Variants in HBP1 observed in about 807,000 individuals in gnomAD.
HBP1 encodes the protein HMG box-containing protein 1.
In HBP1, 20 loss-of-function variants were observed where a neutral mutation model predicts 62.6. The ratio of observed to expected loss-of-function variants is 0.32; its 90% CI spans 0.22 to 0.46. The LOEUF (loss-of-function observed/expected upper bound fraction) is 0.46, where lower values mean the gene tolerates loss of function less well. HBP1 is among the 20% of genes least tolerant of loss of function. The pLI, the probability that HBP1 is intolerant of heterozygous loss-of-function variation, is 1.00. For missense variants in HBP1, 480 were observed against 611.8 expected (o/e 0.78, Z 2.27); for synonymous variants, 232 against 206.2 (o/e 1.12, Z -1.07).
At chr7:107,176,093 T>A (rs1044309158) in intron 1 of HBP1, among the ~76,000 whole-genome samples, 1 of 148,900 alleles carries the variant, frequency 6.7e-6, no homozygotes, top group African/African-American at 2.5e-5. Flanking sequence ...TGGTGCGATC[T>A]CGGCTCACTG....
intron 9 of HBP1, among the ~76,000 whole-genome samples, chr7:107,198,912 A>C (rs1212575520): frequency 4.6e-5 from 7 of 152,200 alleles, no homozygotes; most frequent in Non-Finnish European, 8.8e-5. Flanking sequence ...AATGTTTCGC[A>C]AGTGCCACCC....
intron 1 of HBP1, among the ~76,000 whole-genome samples, chr7:107,177,478 T>C (rs572539559): frequency 4.3e-4 from 65 of 152,362 alleles, no homozygotes; most frequent in East Asian, 1.5e-3. Flanking sequence ...TTGGGCTATG[T>C]GTCAAGAACG....
Position 107,192,390 on chromosome 7 carries a change from AAGAT to A in HBP1, c.1067+2075_1067+2078del, listed in dbSNP as rs1797693857. Among the ~76,000 whole-genome samples the A allele has an allele frequency of 2.0e-5, 3 of 152,190 alleles. No homozygotes were observed. In the East Asian group the frequency reaches 5.8e-4, roughly 29 times the overall value. On this transcript the variant is annotated intron_variant, in intron 8 of 10. Coordinates refer to ENST00000222574, the MANE Select transcript of HBP1 (RefSeq NM_012257.4). ...AAACACTGTATCTTATATATTAAGA[AAGAT>A]ATTAATAAAACTAATGCTACTGTAG...
At chr7:107,201,196 TATCCCTTTTCTGTTC>T (rs1798266420) in intron 10 of HBP1, 1 of 406,044 alleles carries the variant, frequency 2.5e-6, no homozygotes, top group South Asian at 6.9e-5. Flanking sequence ...ACTTTTCCTG[TATCCCTTTTCTGTTC>T]ATCCTAGTCA....
intron 1 of HBP1, chr7:107,174,405 T>C: frequency 4.5e-6 from 4 of 890,580 alleles, no homozygotes; most frequent in African/African-American, 1.8e-5. Context: ...TAGGTAGCTC[T>C]GTTTTGAAAT....
At chr7:107,186,147 CT>C (rs961142033) in intron 4 of HBP1, among the ~76,000 whole-genome samples, 3 of 135,148 alleles carry the variant, frequency 2.2e-5, no homozygotes, top group Non-Finnish European at 3.2e-5. Flanking sequence ...TTGTGTGTGT[CT>C]TTTTTTTCTT....
intron 9 of HBP1, 55 bp from the exon 10 acceptor site, chr7:107,200,100 TTGACA>T (rs1250019380): frequency 1.5e-6 from 2 of 1,364,384 alleles, no homozygotes; most frequent in Non-Finnish European, 2.0e-6. Flanking sequence ...GTAGCAGCAC[TTGACA>T]TGAGATTTAT....
intron 4 of HBP1, among the ~76,000 whole-genome samples, 200 bp from the exon 5 acceptor site, chr7:107,186,156 CTTTTT>C (rs946488645): frequency 1.6e-5 from 2 of 127,274 alleles, no homozygotes; most frequent in African/African-American, 5.9e-5. Flanking sequence ...TCTTTTTTTT[CTTTTT>C]TTTTCTTTTT....
Position 107,202,461 on chromosome 7 carries a change from C to A in HBP1, c.*1030C>A, listed in dbSNP as rs898096015. 6.6e-6 allele frequency: 1 copy of A among 152,464 alleles called. No homozygotes were observed. The highest frequency in any genetic ancestry group is 2.4e-5 in the African/African-American group (1 of 41,382). 9.4% of individuals were successfully genotyped at this position (152,464 alleles called of 1,614,324 possible). A position where few individuals can be genotyped will look rare whatever the true frequency, so the allele number is the denominator to read the frequency against. On this transcript the variant is annotated 3_prime_UTR_variant, in exon 11 of 11. Transcript: ENST00000222574. ...ATCACACTTCTTCATGATGTTGCCC[C>A]TAAATTTTGCACACTATATTCTTGT...
chr7:107,171,295 C>T (rs1379598449), intron 1 of HBP1, among the ~76,000 whole-genome samples: 1 of 151,270 alleles, frequency 6.6e-6, no homozygotes, highest in African/African-American at 2.4e-5. Flanking sequence ...TGGTCTCAAT[C>T]TCCTGACCTC....
At chr7:107,198,235 A>C (rs957133991) in intron 9 of HBP1, among the ~76,000 whole-genome samples, 4 of 151,666 alleles carry the variant, frequency 2.6e-5, no homozygotes, top group African/African-American at 9.7e-5. Context: ...ATGAGATGGA[A>C]TCTTGCTCTG....
intron 1 of HBP1, among the ~76,000 whole-genome samples, chr7:107,172,763 T>G (rs1289576811): frequency 6.6e-6 from 1 of 152,152 alleles, no homozygotes; most frequent in Non-Finnish European, 1.5e-5. Context: ...TTACTTATTT[T>G]TAAAAATTTT....
intron 1 of HBP1, chr7:107,169,709 CATT>C (rs1216897083): frequency 2.0e-6 from 2 of 983,470 alleles, no homozygotes; most frequent in East Asian, 2.3e-4. Flanking sequence ...CCCCGGGGCT[CATT>C]GTTACGCAGT....
rs1174856123 is a variant in HBP1, at chr7:107,201,737, AGAG to A, written c.*310_*312del. 51 of 302,306 alleles carry A rather than the reference AGAG, an allele frequency of 1.7e-4. No individual in the cohort carries two copies. Among genetic ancestry groups the A allele is most frequent in the South Asian group, 1.0e-4 (1 of 9,798 alleles). The allele number at this position is 302,306 out of a possible 1,614,324, so 18.7% of individuals were successfully genotyped here. ...TGTGGTGCTAAAGTACAGTAGAAAGAGAGGAGAAGTGTATACATGTTTTATTTT... is the reference window on the plus strand; with the variant it reads ...TGTGGTGCTAAAGTACAGTAGAAAGAGAGAAGTGTATACATGTTTTATTTT... On this transcript the variant is annotated 3_prime_UTR_variant, in exon 11 of 11. Transcript: ENST00000222574.
chr7:107,192,900 G>A (rs1294021941), intron 8 of HBP1: 2 of 152,176 alleles, frequency 1.3e-5, no homozygotes, highest in African/African-American at 4.8e-5. Context: ...GGATTAGACT[G>A]GTTAAGGGAG....
intron 6 of HBP1, 128 bp downstream of exon 6, chr7:107,186,809 T>G (rs1797399191): frequency 1.6e-6 from 1 of 631,454 alleles, no homozygotes; most frequent in East Asian, 2.8e-5. Flanking sequence ...AGGTAGAGCA[T>G]TTTTATGACC....
chr7:107,179,239 G>A (rs1336122021), intron 1 of HBP1, among the ~76,000 whole-genome samples: 1 of 151,646 alleles, frequency 6.6e-6, no homozygotes, highest in South Asian at 2.1e-4. Flanking sequence ...GTGAAAAAAA[G>A]AGTCCTATTA....
chr7:107,190,195 C>G lies in HBP1; in HGVS notation c.945C>G (p.Ser315Arg). The stretch of plus-strand genomic sequence containing the variant: ...TAGGTTGGTCATCATTTTATCCAAG[C>G]TTGACTGTGGTACAGCATGGCATTC... Reference protein sequence around the residue: ...KNKGWSSFYPSLTVVQHGIPC... With the variant: ...KNKGWSSFYPRLTVVQHGIPC... Residue 315 changes from serine to arginine, a missense_variant, in exon 8 of 11, where the codon AGC becomes AGG. This residue lies in a region of HBP1 where 58 missense variants were observed against 128.5 expected (regional missense o/e 0.45). Transcript: ENST00000222574. 1 of 1,609,564 alleles carries G rather than the reference C, an allele frequency of 6.2e-7. No individual in the cohort carries two copies. The highest frequency in any genetic ancestry group is 8.5e-7 in the Non-Finnish European group (1 of 1,177,746).
chr7:107,201,330 C>A, intron 10 of HBP1, 84 bp from the exon 11 acceptor site: 1 of 774,536 alleles, frequency 1.3e-6, no homozygotes, highest in Non-Finnish European at 2.2e-6. Context: ...AATTTATAAA[C>A]ATCTTATACA....
Sources: gnomAD v4.1 joint callset for allele counts (sites outside exome capture counted in the v4.1 genomes callset) on GRCh38, gnomAD v4.1.1 for gene constraint, gnomAD v4.1.1 regional missense constraint, MANE v1.5 for transcripts, NCBI Gene and HGNC (gene_info 2026-07-23, HGNC 2026-07-21) for gene names.